The following WDR27 variants were observed in gnomAD, a reference collection of about 807,000 sequenced individuals.
The protein encoded by WDR27 is WD repeat domain 27.
A neutral mutation model predicts 114.4 loss-of-function variants in WDR27; 100 were observed. That is an observed-to-expected ratio of 0.87 (90% CI 0.74 to 1.03). The LOEUF (loss-of-function observed/expected upper bound fraction) is 1.03, where lower values mean the gene tolerates loss of function less well. Among genes scored for constraint, WDR27 ranks in the 50% least tolerant of loss-of-function variants. The pLI is 0.00. For missense variants in WDR27, 1,129 were observed against 1,092.9 expected, an observed-to-expected ratio of 1.03 and a Z score of -0.47; for synonymous variants, 449 against 423.1, an observed-to-expected ratio of 1.06 and a Z score of -0.75.
At chr6:169,679,103 C>T (rs1780814680) in intron 2 of WDR27, among the ~76,000 whole-genome samples, 1 of 152,184 alleles carries the variant, frequency 6.6e-6, no homozygotes, top group South Asian at 2.1e-4. Context: ...TTAAATTTAC[C>T]TATAGCCTGG....
chr6:169,497,842 A>AT (rs1269722702), intron 25 of WDR27, among the ~76,000 whole-genome samples: 5 of 152,080 alleles, frequency 3.3e-5, no homozygotes, highest in Non-Finnish European at 7.4e-5. Flanking sequence ...ACAGCATGGC[A>AT]TTTTTTTCCA....
At chr6:169,654,436 T>C (rs894745456) in intron 13 of WDR27, among the ~76,000 whole-genome samples, 1 of 152,220 alleles carries the variant, frequency 6.6e-6, no homozygotes, top group African/African-American at 2.4e-5. Context: ...AAATTAGGCT[T>C]ATGACAGTAA....
intron 25 of WDR27, among the ~76,000 whole-genome samples, chr6:169,466,543 A>G (rs1314607799): frequency 6.6e-6 from 1 of 152,166 alleles, no homozygotes; most frequent in Non-Finnish European, 1.5e-5. Flanking sequence ...CCACAATTCA[A>G]TTACCTCCCA....
chr6:169,535,767 AG>A (rs1796130498), intron 25 of WDR27, among the ~76,000 whole-genome samples: 1 of 152,240 alleles, frequency 6.6e-6, no homozygotes, highest in Non-Finnish European at 1.5e-5. Context: ...AGAGCAACAA[AG>A]GAGGTTCAAG....
intron 7 of WDR27, chr6:169,664,526 G>C: frequency 7.2e-7 from 1 of 1,380,290 alleles, no homozygotes; most frequent in Admixed American, 3.1e-5. Flanking sequence ...CACATGGGCA[G>C]GATCCTACTG....
At chr6:169,529,558 A>T (rs889361503) in intron 25 of WDR27, among the ~76,000 whole-genome samples, 1 of 152,222 alleles carries the variant, frequency 6.6e-6, no homozygotes, top group Non-Finnish European at 1.5e-5. Context: ...CTAAGAATAG[A>T]GGGTTTTTTA....
intron 21 of WDR27, among the ~76,000 whole-genome samples, chr6:169,625,650 G>A (rs1391506197): frequency 2.0e-5 from 3 of 152,232 alleles, no homozygotes; most frequent in African/African-American, 7.2e-5. Flanking sequence ...CAGGAAACCG[G>A]CAGGCAGGTG....
At chr6:169,502,676 C>A (rs548458760) in intron 25 of WDR27, among the ~76,000 whole-genome samples, 50 of 152,286 alleles carry the variant, frequency 3.3e-4, no homozygotes, top group Admixed American at 2.0e-4. Context: ...CTCCCTCTGC[C>A]TCCCTCTTAA....
chr6:169,539,948 A>G (rs919570111), intron 25 of WDR27, among the ~76,000 whole-genome samples: 1 of 152,224 alleles, frequency 6.6e-6, no homozygotes, highest in Non-Finnish European at 1.5e-5. Flanking sequence ...TCCCGACATC[A>G]GGCCTACCCA....
chr6:169,530,712 C>T (rs1584010580), intron 25 of WDR27, among the ~76,000 whole-genome samples: 2 of 152,152 alleles, frequency 1.3e-5, no homozygotes, highest in East Asian at 3.9e-4. Flanking sequence ...AGGCCGGTGC[C>T]TCTCCACCCT....
At chr6:169,666,927 C>A in intron 6 of WDR27, 1 of 985,430 alleles carries the variant, frequency 1.0e-6, no homozygotes, top group Non-Finnish European at 1.2e-6. Flanking sequence ...TCCAAGCATC[C>A]ATTTAATTTT....
intron 24 of WDR27, among the ~76,000 whole-genome samples, chr6:169,577,614 C>T (rs1016307026): frequency 3.9e-5 from 6 of 152,174 alleles, no homozygotes; most frequent in African/African-American, 1.2e-4. Context: ...GGCCAAGAAC[C>T]GGCCCTGCGT....
intron 25 of WDR27, among the ~76,000 whole-genome samples, chr6:169,539,706 C>A (rs1796613262): frequency 6.6e-6 from 1 of 152,116 alleles, no homozygotes; most frequent in African/African-American, 2.4e-5. Flanking sequence ...CAGTTTGTGT[C>A]CTGTCCACAG....
intron 25 of WDR27, among the ~76,000 whole-genome samples, chr6:169,501,364 G>A (rs995015549): frequency 6.6e-6 from 1 of 152,198 alleles, no homozygotes; most frequent in Non-Finnish European, 1.5e-5. Context: ...GAGGGTGGCT[G>A]TTCTAAGCCA....
intron 25 of WDR27, among the ~76,000 whole-genome samples, chr6:169,570,158 A>G (rs1007787117): frequency 3.9e-5 from 6 of 152,166 alleles, no homozygotes; most frequent in Non-Finnish European, 1.5e-5. Context: ...TGGTCCCACC[A>G]CAACACTCAT....
rs1337515527 is a variant in WDR27 at position 169,583,494 on chromosome 6, TATATATATATGTATATATACACACAC to T, written c.2425-586_2425-561del. ...GTGTGTGTGTGTATATATACATATA[TATATATATATGTATATATACACACAC>T]ACACACACACACACACACACATAAA... On this transcript the variant is annotated intron_variant, in intron 23 of 25. Coordinates refer to ENST00000448612, the MANE Select transcript of WDR27 (RefSeq NM_182552.5). Among the ~76,000 whole-genome samples, 85 of 25,604 alleles carry T rather than the reference TATATATATATGTATATATACACACAC, an allele frequency of 3.3e-3. 1 individual carries two copies. The highest frequency in any genetic ancestry group is 0.062 in the Middle Eastern group (2 of 32). The allele number at this position is 25,604 out of a possible 152,430, so 16.8% of individuals were successfully genotyped here.
intron 25 of WDR27, among the ~76,000 whole-genome samples, chr6:169,501,457 T>C (rs1021391253): frequency 5.9e-5 from 9 of 152,236 alleles, no homozygotes; most frequent in Non-Finnish European, 1.0e-4. Flanking sequence ...GCTCCTTCTA[T>C]GTGCCTGGTG....
At chr6:169,517,352 T>C (rs1793806390) in intron 25 of WDR27, among the ~76,000 whole-genome samples, 1 of 152,148 alleles carries the variant, frequency 6.6e-6, no homozygotes, top group African/African-American at 2.4e-5. Flanking sequence ...TCTTTATAAA[T>C]TACCCAGCCT....
intron 21 of WDR27, among the ~76,000 whole-genome samples, chr6:169,614,724 A>G (rs1811391576): frequency 6.6e-6 from 1 of 152,084 alleles, no homozygotes; most frequent in Admixed American, 6.5e-5. Context: ...AAGAAAAGAA[A>G]CAAAGCTGTA....
Sources: gnomAD v4.1 joint callset for allele counts (sites outside exome capture counted in the v4.1 genomes callset) on GRCh38, gnomAD v4.1.1 for gene constraint, MANE v1.5 for transcripts, NCBI Gene and HGNC (gene_info 2026-07-23, HGNC 2026-07-21) for gene names.